Variants in TNFAIP8L3 observed in about 807,000 individuals in gnomAD.
TNFAIP8L3 encodes the protein tumor necrosis factor alpha-induced protein 8-like protein 3.
Under a neutral mutation model 11.8 loss-of-function variants are expected in TNFAIP8L3, and 7 were observed. The ratio of observed to expected loss-of-function variants is 0.59; its 90% CI spans 0.34 to 1.11. TNFAIP8L3 has a LOEUF of 1.11. Among genes scored for constraint, TNFAIP8L3 ranks in the 50% most tolerant of loss-of-function variants. The pLI is 0.03. For missense variants in TNFAIP8L3, 219 were observed against 258.6 expected, an observed-to-expected ratio of 0.85 and a Z score of 1.05; for synonymous variants, 98 against 103.8, an observed-to-expected ratio of 0.94 and a Z score of 0.34.
intron 1 of TNFAIP8L3, among the ~76,000 whole-genome samples, chr15:51,090,345 T>C (rs2065459765): frequency 6.6e-6 from 1 of 152,232 alleles, no homozygotes; most frequent in African/African-American, 2.4e-5. Context: ...GTTGTGGCCA[T>C]ACCCTGGGAG....
At chr15:51,093,681 C>T (rs2065488797) in intron 1 of TNFAIP8L3, among the ~76,000 whole-genome samples, 1 of 152,066 alleles carries the variant, frequency 6.6e-6, no homozygotes, top group Admixed American at 6.5e-5. Context: ...GAGCTGTGGG[C>T]ACGTGAGGAG....
At chr15:51,103,709 T>C (rs2140988099) in intron 1 of TNFAIP8L3, among the ~76,000 whole-genome samples, 1 of 152,320 alleles carries the variant, frequency 6.6e-6, no homozygotes, top group Middle Eastern at 3.4e-3. Flanking sequence ...CGTGTTACTT[T>C]CTTCTAATGT....
At chr15:51,061,005 A>G (rs977810309) in intron 1 of TNFAIP8L3, among the ~76,000 whole-genome samples, 1 of 152,194 alleles carries the variant, frequency 6.6e-6, no homozygotes, top group Non-Finnish European at 1.5e-5. Flanking sequence ...GCATGATGGC[A>G]TGCATCTGTA....
At chr15:51,060,370 A>G (rs1409385735) in intron 1 of TNFAIP8L3, among the ~76,000 whole-genome samples, 2 of 152,238 alleles carry the variant, frequency 1.3e-5, no homozygotes, top group Non-Finnish European at 2.9e-5. Flanking sequence ...TGAAATAAGT[A>G]TATGCCTCCT....
At chr15:51,071,771 C>T (rs1014428349) in intron 1 of TNFAIP8L3, among the ~76,000 whole-genome samples, 11 of 152,254 alleles carry the variant, frequency 7.2e-5, no homozygotes, top group Non-Finnish European at 1.2e-4. Flanking sequence ...AGAGACTGCA[C>T]TCATTTTCAC....
At chr15:51,093,274 A>G (rs2065486014) in intron 1 of TNFAIP8L3, among the ~76,000 whole-genome samples, 1 of 152,144 alleles carries the variant, frequency 6.6e-6, no homozygotes, top group African/African-American at 2.4e-5. Context: ...ACCCACCCAA[A>G]GGTGCGGGCC....
At chr15:51,100,212 T>C (rs572787451) in intron 1 of TNFAIP8L3, among the ~76,000 whole-genome samples, 1 of 152,306 alleles carries the variant, frequency 6.6e-6, no homozygotes, top group African/African-American at 2.4e-5. Context: ...AGATACCATA[T>C]GTTGTGATTT....
At chr15:51,064,471 CATATGAATATATATATATATGT>C (rs1464426696) in intron 1 of TNFAIP8L3, 9 of 149,244 alleles carry the variant, frequency 6.0e-5, no homozygotes, top group Non-Finnish European at 1.2e-4. Context: ...TATACATATA[CATATGAATATATATATATATGT>C]ATATGACATA....
chr15:51,091,543 G>GT (rs554391048), intron 1 of TNFAIP8L3, among the ~76,000 whole-genome samples: 55 of 152,070 alleles, frequency 3.6e-4, no homozygotes, highest in East Asian at 1.7e-3. Flanking sequence ...AAGGGGTTCT[G>GT]TTTTTTTTAT....
intron 1 of TNFAIP8L3, among the ~76,000 whole-genome samples, chr15:51,073,333 A>G (rs912985579): frequency 1.3e-5 from 2 of 152,186 alleles, no homozygotes; most frequent in African/African-American, 4.8e-5. Context: ...CTTCCTCTCC[A>G]TTAACATGAC....
upstream of TNFAIP8L3, among the ~76,000 whole-genome samples, chr15:51,095,258 A>AG (rs540054232): frequency 0.12 from 2,647 of 22,564 alleles, 143 homozygotes; most frequent in African/African-American, 0.29. Context: ...GAATAAGGGA[A>AG]GGGAGCGGGG....
At chr15:51,092,628 C>T (rs1024615092) in intron 1 of TNFAIP8L3, among the ~76,000 whole-genome samples, 4 of 152,204 alleles carry the variant, frequency 2.6e-5, no homozygotes, top group Admixed American at 6.5e-5. Flanking sequence ...TGACAGCTCA[C>T]GAGAGCTGTC....
At chr15:51,066,917 CTGT>C (rs2065275565) in intron 1 of TNFAIP8L3, among the ~76,000 whole-genome samples, 1 of 152,150 alleles carries the variant, frequency 6.6e-6, no homozygotes, top group African/African-American at 2.4e-5. Context: ...TTGTATAAAA[CTGT>C]TGTTTGTATA....
chr15:51,070,144 T>C (rs1314693035), intron 1 of TNFAIP8L3, among the ~76,000 whole-genome samples: 2 of 152,242 alleles, frequency 1.3e-5, no homozygotes, highest in African/African-American at 4.8e-5. Flanking sequence ...GAAAAGTGAA[T>C]GAGTGTTTGA....
chr15:51,057,989 G>T lies in TNFAIP8L3; in HGVS notation c.507C>A (p.Ala169=), dbSNP rs191248637. The T allele has an allele frequency of 9.9e-6, 16 of 1,614,210 alleles. No homozygotes were observed. The East Asian group carries it at 3.6e-4, about 36-fold the overall frequency. ...GRINHVFNHF[A]DVEFLSTLYS... is the part of the protein sequence containing the mutation. ...AGAGGGTGGAGAGGAACTCCACATC[G>T]GCAAAGTGGTTAAAGACGTGGTTGA... Residue 169 remains alanine, a synonymous_variant, in exon 2 of 2, where the codon GCC becomes GCA. Coordinates refer to ENST00000637513, the MANE Select transcript of TNFAIP8L3 (RefSeq NM_001311175.2).
intron 1 of TNFAIP8L3, among the ~76,000 whole-genome samples, chr15:51,073,799 G>A (rs2065330191): frequency 6.6e-6 from 1 of 152,086 alleles, no homozygotes; most frequent in South Asian, 2.1e-4. Context: ...TGTTTGCTGT[G>A]GGTTTTGATG....
chr15:51,089,587 G>A (rs537372565), intron 1 of TNFAIP8L3, among the ~76,000 whole-genome samples: 1 of 152,278 alleles, frequency 6.6e-6, no homozygotes, highest in Non-Finnish European at 1.5e-5. Flanking sequence ...TCCTAACACA[G>A]AGTCCCAGAC....
At chr15:51,062,148 C>CCACAAG (rs1163028538) in intron 1 of TNFAIP8L3, among the ~76,000 whole-genome samples, 6 of 152,100 alleles carry the variant, frequency 3.9e-5, no homozygotes, top group African/African-American at 1.2e-4. Context: ...GTGCCATGCA[C>CCACAAG]CTGTAGTCTC....
chr15:51,068,635 C>T lies in TNFAIP8L3; in HGVS notation c.53-10192G>A, dbSNP rs1444735667. Among the ~76,000 whole-genome samples, 5 of 149,286 alleles carry T rather than the reference C, an allele frequency of 3.3e-5. No individual in the cohort carries two copies. The East Asian group carries it at 7.9e-4, about 24-fold the overall frequency. ...TCTTGGGTGTCTCTCTCCCCTTTGT[C>T]GTCCACCATCAAACCACCCCTCCTG... On this transcript the variant is annotated intron_variant, in intron 1 of 1. Coordinates refer to ENST00000637513, the MANE Select transcript of TNFAIP8L3 (RefSeq NM_001311175.2).
Sources: allele counts gnomAD v4.1 joint callset (sites outside exome capture counted in the v4.1 genomes callset), GRCh38; gene constraint gnomAD v4.1.1; transcripts MANE v1.5; gene names NCBI Gene and HGNC (gene_info 2026-07-23, HGNC 2026-07-21).